COL24A1: variants seen among roughly 807,000 people sequenced by gnomAD.
The protein encoded by COL24A1 is collagen alpha-1(XXIV) chain.
A neutral mutation model predicts 253.9 loss-of-function variants in COL24A1; 224 were observed. The ratio of observed to expected loss-of-function variants is 0.88; its 90% CI spans 0.79 to 0.99. COL24A1 has a LOEUF of 0.99. COL24A1 is among the 50% of genes least tolerant of loss of function. The pLI is 0.00. For missense variants in COL24A1, 2,131 were observed against 2,068.5 expected, an observed-to-expected ratio of 1.03 and a Z score of -0.59; for synonymous variants, 685 against 673.7, an observed-to-expected ratio of 1.02 and a Z score of -0.26.
At chr1:85,838,403 G>A (rs1369842003) in intron 43 of COL24A1, among the ~76,000 whole-genome samples, 182 bp downstream of exon 43, 1 of 152,056 alleles carries the variant, frequency 6.6e-6, no homozygotes, top group Non-Finnish European at 1.5e-5. Flanking sequence ...ATGAGAAAAA[G>A]CAGAAGTAAG....
At chr1:85,874,203 A>G (rs765819078) in intron 35 of COL24A1, among the ~76,000 whole-genome samples, 2 of 152,230 alleles carry the variant, frequency 1.3e-5, no homozygotes, top group African/African-American at 2.4e-5. Flanking sequence ...TCTAATTGCA[A>G]CAATTTACAA....
At chr1:86,113,007 C>T (rs1336722514) in intron 4 of COL24A1, among the ~76,000 whole-genome samples, 1 of 151,956 alleles carries the variant, frequency 6.6e-6, no homozygotes. Flanking sequence ...TCTATTTAGC[C>T]CCAGGATTAT....
intron 59 of COL24A1, among the ~76,000 whole-genome samples, chr1:85,730,947 G>C (rs1663414137): frequency 6.6e-6 from 1 of 152,146 alleles, no homozygotes. Flanking sequence ...TGCTTCAACT[G>C]TCTGTGAATT....
chr1:86,101,145 GTTGTCA>G (rs1337041513), intron 5 of COL24A1, among the ~76,000 whole-genome samples: 1 of 152,096 alleles, frequency 6.6e-6, no homozygotes, highest in Non-Finnish European at 1.5e-5. Context: ...CTGGTAAGCT[GTTGTCA>G]GAACTGAATT....
At chr1:85,800,990 C>A (rs964770183) in intron 47 of COL24A1, among the ~76,000 whole-genome samples, 30 of 152,224 alleles carry the variant, frequency 2.0e-4, no homozygotes, top group African/African-American at 7.0e-4. Flanking sequence ...AACACAAAAA[C>A]CCCACAAAAA....
chr1:86,112,672 A>T (rs766377064), intron 4 of COL24A1, 52 bp from the exon 5 acceptor site: 1 of 1,517,344 alleles, frequency 6.6e-7, no homozygotes, highest in South Asian at 1.1e-5. Flanking sequence ...GAATGGAACA[A>T]AGTACAATTG....
chr1:85,902,910 A>G (rs1432371180), intron 28 of COL24A1, among the ~76,000 whole-genome samples: 1 of 152,208 alleles, frequency 6.6e-6, no homozygotes, highest in Non-Finnish European at 1.5e-5. Context: ...GTGGACTTGA[A>G]ATGTTCCCAG....
At chr1:85,778,149 G>A (rs1668779638) in intron 52 of COL24A1, among the ~76,000 whole-genome samples, 1 of 151,870 alleles carries the variant, frequency 6.6e-6, no homozygotes, top group Non-Finnish European at 1.5e-5. Flanking sequence ...TTTTGCCCAG[G>A]CTGGAGTGCA....
chr1:86,115,522 C>T (rs1706058369), intron 3 of COL24A1, 144 bp from the exon 4 acceptor site: 1 of 704,296 alleles, frequency 1.4e-6, no homozygotes, highest in Non-Finnish European at 2.4e-6. Context: ...ACACGAACCC[C>T]CTTACCCTAA....
intron 24 of COL24A1, among the ~76,000 whole-genome samples, chr1:85,926,910 A>T (rs1449311011): frequency 6.6e-6 from 1 of 152,180 alleles, no homozygotes; most frequent in East Asian, 1.9e-4. Flanking sequence ...TCAAGAAGAG[A>T]GAAATCTGTG....
intron 10 of COL24A1, among the ~76,000 whole-genome samples, chr1:86,056,412 C>T (rs12354099): frequency 0.1 from 15,372 of 152,212 alleles, 852 homozygotes; most frequent in Middle Eastern, 0.2. Flanking sequence ...ATGGGGATGA[C>T]AGGCCTGTTC....
chr1:85,838,524 G>A, intron 43 of COL24A1, 61 bp downstream of exon 43: 1 of 1,432,214 alleles, frequency 7.0e-7, no homozygotes, highest in South Asian at 1.2e-5. Flanking sequence ...TGGAAAAAAT[G>A]GAATAGAAAC....
Position 85,730,516 on chromosome 1 carries a change from CAGCCTG to C in COL24A1, c.*24_*29del. 1 of 1,608,514 alleles carries C rather than the reference CAGCCTG, an allele frequency of 6.2e-7. No individual in the cohort carries two copies. Among genetic ancestry groups the C allele is most frequent in the Non-Finnish European group, 8.5e-7 (1 of 1,175,926 alleles). Reference sequence around the variant, plus strand: ...CCCTCTGCAGCAATTACCTGGCCAACAGCCTGAATTCGGAACTAATTCAGAGACTTT... The same window carrying C: ...CCCTCTGCAGCAATTACCTGGCCAACAATTCGGAACTAATTCAGAGACTTT... On this transcript the variant is annotated 3_prime_UTR_variant, in exon 60 of 60. Coordinates refer to ENST00000370571, the MANE Select transcript of COL24A1 (RefSeq NM_152890.7).
At chr1:85,770,119 T>G (rs911673337) in intron 53 of COL24A1, among the ~76,000 whole-genome samples, 8 of 152,216 alleles carry the variant, frequency 5.3e-5, no homozygotes, top group African/African-American at 9.6e-5. Flanking sequence ...TGTGTACATA[T>G]GCTCTTGCTT....
intron 57 of COL24A1, 73 bp from the exon 58 acceptor site, chr1:85,737,578 T>A (rs558036560): frequency 8.9e-5 from 90 of 1,010,602 alleles, no homozygotes; most frequent in East Asian, 3.4e-4. Context: ...TTTTTTTTTT[T>A]GAGAGAGAGA....
chr1:86,150,564 T>G (rs879449322), intron 1 of COL24A1, among the ~76,000 whole-genome samples: 6 of 152,108 alleles, frequency 3.9e-5, no homozygotes, highest in Non-Finnish European at 7.4e-5. Context: ...TATGGTAGCC[T>G]TCTTCTTTTT....
chr1:86,058,720 G>T (rs1700844177), intron 9 of COL24A1, among the ~76,000 whole-genome samples: 1 of 150,976 alleles, frequency 6.6e-6, no homozygotes. Context: ...GTGTTTGGTA[G>T]TGGTATACTG....
chr1:85,756,307 T>C (rs1198591798), intron 55 of COL24A1, among the ~76,000 whole-genome samples: 1 of 151,928 alleles, frequency 6.6e-6, no homozygotes, highest in Non-Finnish European at 1.5e-5. Context: ...TAATCCCAGC[T>C]ACTCAGGAGG....
chr1:86,154,526 C>T (rs1653229665), intron 1 of COL24A1: 1 of 152,680 alleles, frequency 6.5e-6, no homozygotes, highest in Non-Finnish European at 1.5e-5. Context: ...TCAGAAGTTC[C>T]TCCGGTGCAA....
Sources: gnomAD v4.1 joint callset for allele counts (sites outside exome capture counted in the v4.1 genomes callset) on GRCh38, gnomAD v4.1.1 for gene constraint, MANE v1.5 for transcripts, NCBI Gene and HGNC (gene_info 2026-07-23, HGNC 2026-07-21) for gene names.